The following TNRC18 variants were observed in gnomAD, a reference collection of about 807,000 sequenced individuals.
TNRC18 encodes trinucleotide repeat containing 18, also known as trinucleotide repeat-containing gene 18 protein.
A neutral mutation model predicts 226.7 loss-of-function variants in TNRC18; 69 were observed. The observed-to-expected ratio is 0.30, with a 90% CI of 0.25 to 0.37. The LOEUF (loss-of-function observed/expected upper bound fraction) is 0.37. Ranked by LOEUF, TNRC18 falls within the 10% of genes least tolerant of loss-of-function variation. The pLI is 1.00. For missense variants in TNRC18, 4,754 were observed against 4,256.6 expected, an observed-to-expected ratio of 1.12 and a Z score of -3.25; for synonymous variants, 2,449 against 1,927.6, an observed-to-expected ratio of 1.27 and a Z score of -7.09.
intron 27 of TNRC18, among the ~76,000 whole-genome samples, chr7:5,310,417 G>T (rs922911442): frequency 6.6e-6 from 1 of 151,996 alleles, no homozygotes; most frequent in Admixed American, 6.6e-5. Context: ...TGTATTTTTA[G>T]TAGAGACGGG....
Position 5,370,345 on chromosome 7 carries a change from C to G in TNRC18, c.4219+30G>C, listed in dbSNP as rs1427462379. 5.9e-6 allele frequency: 9 copies of G among 1,521,466 alleles called. No individual in the cohort carries two copies. In the East Asian group the frequency reaches 2.0e-4, roughly 33 times the overall value. The allele number at this position is 1,521,466 out of a possible 1,614,324, so 94.2% of individuals were successfully genotyped here. A position where few individuals can be genotyped will look rare whatever the true frequency, so the allele number is the denominator to read the frequency against. ...CACCACAAAACTAAAACTCACGAAT[C>G]TGCAGAACTCAGAGGTCGCGCACTC... On this transcript the variant is annotated intron_variant, in intron 11 of 29. Coordinates refer to ENST00000430969, the MANE Select transcript of TNRC18 (RefSeq NM_001080495.3).
intron 19 of TNRC18, among the ~76,000 whole-genome samples, chr7:5,331,099 C>A (rs1019207859): frequency 1.3e-5 from 2 of 152,242 alleles, no homozygotes; most frequent in African/African-American, 4.8e-5. Flanking sequence ...GGTGCTTACA[C>A]TGGCCCCTTC....
chr7:5,334,129 C>A (rs1789837758), intron 18 of TNRC18, among the ~76,000 whole-genome samples: 2 of 152,168 alleles, frequency 1.3e-5, no homozygotes, highest in Non-Finnish European at 2.9e-5. Context: ...TCCTCCAGCA[C>A]AGGAGCCGAA....
At chr7:5,318,502 A>G (rs1583751572) in intron 24 of TNRC18, among the ~76,000 whole-genome samples, 1 of 152,278 alleles carries the variant, frequency 6.6e-6, no homozygotes, top group East Asian at 1.9e-4. Context: ...TGAAATTCAC[A>G]AGAGAAGTTA....
intron 11 of TNRC18, among the ~76,000 whole-genome samples, chr7:5,368,194 C>T (rs143261079): frequency 6.6e-5 from 10 of 152,054 alleles, no homozygotes; most frequent in East Asian, 1.9e-4. Context: ...AGCTTTAAGC[C>T]GGGTGCTCAC....
rs1479668283 is a variant in TNRC18 at position 5,376,833 on chromosome 7, G to A, written c.2608+14C>T. The stretch of plus-strand genomic sequence containing the variant: ...CAGTCTGGCCCATGGTGGCCACATA[G>A]AAGGTCCACTTACCAAAGTGAGGAA... On this transcript the variant is annotated intron_variant, in intron 8 of 29. Transcript: ENST00000430969. 4.4e-6 allele frequency: 7 copies of A among 1,607,928 alleles called. No individual in the cohort carries two copies. In the African/African-American group the frequency reaches 8.0e-5, roughly 18 times the overall value.
chr7:5,345,760 C>T lies in TNRC18; in HGVS notation c.5521G>A (p.Glu1841Lys), dbSNP rs941953648. Residue 1841 changes from glutamate to lysine, a missense_variant, in exon 18 of 30, where the codon GAG becomes AAG. Glu to Lys is a moderately conservative substitution (Grantham distance 56). Transcript: ENST00000430969. Reference sequence around the variant, plus strand: ...AGCCTGTAGCCACCACCGCTGGCCTCGTCCTCCTCCTCGAGCTCCTCCTCC... The same window carrying T: ...AGCCTGTAGCCACCACCGCTGGCCTTGTCCTCCTCCTCGAGCTCCTCCTCC... The part of the protein sequence containing the change: ...DEEEELEEED[E>K]ASGGGYRLGA... 2.3e-5 allele frequency: 36 copies of T among 1,547,468 alleles called. No individual in the cohort carries two copies. Among genetic ancestry groups the T allele is most frequent in the African/African-American group, 4.1e-5 (3 of 72,960 alleles).
At chr7:5,318,589 C>G (rs1788067391) in intron 24 of TNRC18, among the ~76,000 whole-genome samples, 1 of 126,644 alleles carries the variant, frequency 7.9e-6, no homozygotes, top group African/African-American at 2.7e-5. Context: ...TCTGCAGATA[C>G]CCAGCATGAT....
intron 17 of TNRC18, 136 bp from the exon 18 acceptor site, chr7:5,345,946 A>G (rs538363808): frequency 7.7e-7 from 1 of 1,296,742 alleles, no homozygotes; most frequent in Admixed American, 2.9e-5. Flanking sequence ...CTGGGGGTGG[A>G]TGCAGACCCA....
In TNRC18 at chr7:5,376,254, T is replaced by A. The variant is rs1452381556; in HGVS notation, c.2609-30A>T. ...AGGGACAGAGACAGTGCGCTGCACC[T>A]GCGGCCTGATGCTCCACCACCATGC... On this transcript the variant is annotated intron_variant, in intron 8 of 29. Coordinates refer to ENST00000430969, the MANE Select transcript of TNRC18 (RefSeq NM_001080495.3). The A allele has an allele frequency of 2.8e-6, 4 of 1,425,830 alleles. No homozygotes were observed. The East Asian group carries it at 1.0e-4, about 37-fold the overall frequency. 88.3% of individuals were successfully genotyped at this position (1,425,830 alleles called of 1,614,324 possible). A position where few individuals can be genotyped will look rare whatever the true frequency, so the allele number is the denominator to read the frequency against.
intron 14 of TNRC18, 42 bp from the exon 15 acceptor site, chr7:5,359,611 A>G (rs778707058): frequency 6.2e-7 from 1 of 1,610,458 alleles, no homozygotes; most frequent in Non-Finnish European, 8.5e-7. Flanking sequence ...CTGGCCAGAC[A>G]AGGCTCGCAG....
Position 5,320,779 on chromosome 7 carries a change from C to T in TNRC18, c.6561-172G>A. The T allele has an allele frequency of 4.6e-6, 3 of 650,828 alleles. No homozygotes were observed. The South Asian group carries it at 5.7e-5, about 12-fold the overall frequency. The allele number at this position is 650,828 out of a possible 1,614,324, so 40.3% of individuals were successfully genotyped here. A position where few individuals can be genotyped will look rare whatever the true frequency, so the allele number is the denominator to read the frequency against. ...CCCCCTTTTCTGGGTTCATTTTCCT[C>T]ATCTGTAGGACTAGGGGTTGCAAGG... On this transcript the variant is annotated intron_variant, in intron 22 of 29. Coordinates refer to ENST00000430969, the MANE Select transcript of TNRC18 (RefSeq NM_001080495.3).
chr7:5,351,746 T>A, intron 17 of TNRC18, 73 bp downstream of exon 17: 1 of 1,462,204 alleles, frequency 6.8e-7, no homozygotes, highest in East Asian at 2.4e-5. Context: ...GCCCACTCGC[T>A]TCCCTCTCGC....
At chr7:5,392,922 G>A (rs1004982751) in intron 3 of TNRC18, among the ~76,000 whole-genome samples, 1 of 152,264 alleles carries the variant, frequency 6.6e-6, no homozygotes, top group Middle Eastern at 3.4e-3. Flanking sequence ...TGAGGTGGGA[G>A]AATGGCTTGA....
At chr7:5,358,948 G>A (rs941155434) in intron 15 of TNRC18, among the ~76,000 whole-genome samples, 1 of 152,242 alleles carries the variant, frequency 6.6e-6, no homozygotes, top group Non-Finnish European at 1.5e-5. Context: ...GAAGAATCAA[G>A]GAGTTGGCTC....
At position 5,389,254 on chromosome 7, in the gene TNRC18, G is replaced by A; in HGVS notation, c.570C>T (p.His190=). 1 of 1,317,242 alleles carries A rather than the reference G, an allele frequency of 7.6e-7. No homozygotes were observed. Among genetic ancestry groups the A allele is most frequent in the Non-Finnish European group, 9.7e-7 (1 of 1,034,354 alleles). The allele number at this position is 1,317,242 out of a possible 1,614,324, so 81.6% of individuals were successfully genotyped here. A position where few individuals can be genotyped will look rare whatever the true frequency, so the allele number is the denominator to read the frequency against. ...APSARTPGGG[H]SSGAPAKGSS... ...AGCCTTTGGCCGGGGCGCCCGAGGA[G>A]TGGCCGCCGCCAGGGGTCCGGGCCG... Residue 190 remains histidine, a synonymous_variant, in exon 5 of 30, where the codon CAC becomes CAT. Transcript: ENST00000430969.
At chr7:5,370,322 C>A in intron 11 of TNRC18, 53 bp downstream of exon 11, 2 of 1,497,538 alleles carry the variant, frequency 1.3e-6, no homozygotes, top group Non-Finnish European at 1.8e-6. Context: ...GACCCCATCA[C>A]CACAAAACTA....
intron 19 of TNRC18, among the ~76,000 whole-genome samples, chr7:5,332,120 A>C (rs755228525): frequency 1.8e-4 from 28 of 152,256 alleles, no homozygotes; most frequent in Middle Eastern, 3.4e-3. Flanking sequence ...CTGAGACAGG[A>C]GAAAAGAGAG....
chr7:5,317,426 C>G (rs1211712185), intron 24 of TNRC18, among the ~76,000 whole-genome samples: 2 of 152,058 alleles, frequency 1.3e-5, no homozygotes, highest in African/African-American at 2.4e-5. Flanking sequence ...CCTATCTCTA[C>G]TAAAAATACA....
Sources: allele counts gnomAD v4.1 joint callset (sites outside exome capture counted in the v4.1 genomes callset), GRCh38; gene constraint gnomAD v4.1.1; transcripts MANE v1.5; gene names NCBI Gene and HGNC (gene_info 2026-07-23, HGNC 2026-07-21).